SLC16A12: variants seen among roughly 807,000 people sequenced by gnomAD.
SLC16A12 encodes monocarboxylate transporter 12.
Under a neutral mutation model 42.4 loss-of-function variants are expected in SLC16A12, and 17 were observed. That is an observed-to-expected ratio of 0.40 (90% CI 0.27 to 0.60). The LOEUF is 0.60. Ranked by LOEUF, SLC16A12 falls within the 20% of genes least tolerant of loss-of-function variation. The pLI is 0.42. For missense variants in SLC16A12, 544 were observed against 623.0 expected (o/e 0.87, Z 1.35); for synonymous variants, 224 against 229.4 (o/e 0.98, Z 0.21).
chr10:89,445,479 C>T (rs1841986089), intron 3 of SLC16A12, among the ~76,000 whole-genome samples: 2 of 152,188 alleles, frequency 1.3e-5, no homozygotes, highest in African/African-American at 4.8e-5. Flanking sequence ...GAGTGGACCT[C>T]CAGCAAACTC....
At chr10:89,505,006 A>G in intron 2 of SLC16A12, among the ~76,000 whole-genome samples, 1 of 152,184 alleles carries the variant, frequency 6.6e-6, no homozygotes, top group Non-Finnish European at 1.5e-5. Context: ...GGGGGTTGCC[A>G]TCAACCTCTG....
intron 2 of SLC16A12, among the ~76,000 whole-genome samples, chr10:89,554,040 GA>G (rs1564607072): frequency 0.013 from 585 of 45,424 alleles, 32 homozygotes; most frequent in African/African-American, 0.054. Flanking sequence ...AAGGAAGAAA[GA>G]AAGAAAGAAA....
Position 89,436,228 on chromosome 10 carries a change from G to A in SLC16A12, c.1120C>T (p.Pro374Ser). The A allele has an allele frequency of 2.5e-6, 4 of 1,614,094 alleles. No individual in the cohort carries two copies. Among genetic ancestry groups the A allele is most frequent in the Non-Finnish European group, 3.4e-6 (4 of 1,180,002 alleles). The change falls in exon 7 of 8, where the codon CCT becomes TCT. Residue 374 changes from proline (P) to serine (S), a missense_variant. By Grantham distance (74) the Pro-to-Ser change is moderately conservative. Coordinates refer to ENST00000371790, the MANE Select transcript of SLC16A12 (RefSeq NM_213606.4). The stretch of plus-strand genomic sequence containing the variant: ...GTACAAGAGAAAGGCACGAGCAGAG[G>A]GAGACTTTGAAGCATTGGGAGGCAG... ...YLCLPMLQSL[P>S]LLVPFSCTFG...
chr10:89,468,120 A>T (rs1842434465), intron 2 of SLC16A12: 1 of 152,230 alleles, frequency 6.6e-6, no homozygotes, highest in Non-Finnish European at 1.5e-5. Flanking sequence ...TCCAAATAAA[A>T]AATTTAAATA....
At chr10:89,555,535 G>GTA (rs1239994683) in intron 2 of SLC16A12, among the ~76,000 whole-genome samples, 2 of 128,978 alleles carry the variant, frequency 1.6e-5, no homozygotes, top group Non-Finnish European at 3.4e-5. Flanking sequence ...GTATATATAC[G>GTA]TATGTATGTA....
intron 7 of SLC16A12, among the ~76,000 whole-genome samples, chr10:89,434,023 G>GT (rs1189332386): frequency 2.0e-5 from 3 of 152,026 alleles, no homozygotes; most frequent in Non-Finnish European, 4.4e-5. Context: ...ATTAACAAAG[G>GT]TTTTTTTAAA....
chr10:89,497,752 C>G (rs1451513604), intron 2 of SLC16A12, among the ~76,000 whole-genome samples: 3 of 151,888 alleles, frequency 2.0e-5, no homozygotes, highest in African/African-American at 7.3e-5. Context: ...AAAAAAAACC[C>G]AACATGATTT....
chr10:89,508,031 T>A (rs994042003), intron 2 of SLC16A12, among the ~76,000 whole-genome samples: 3 of 152,194 alleles, frequency 2.0e-5, no homozygotes, highest in Non-Finnish European at 4.4e-5. Context: ...GAGATAACTA[T>A]CCTAACTATA....
rs556564283 is a variant in SLC16A12 at position 89,450,311 on chromosome 10, G to C, written c.201-6452C>G. On this transcript the variant is annotated intron_variant, in intron 3 of 7. Transcript: ENST00000371790. ...TGCTACTATAAAGACACATGTGCAC[G>C]TATGTTTAATGTGGCACTATTCACA... Among the ~76,000 whole-genome samples the C allele has an allele frequency of 3.9e-5, 6 of 152,290 alleles. No individual in the cohort carries two copies. In the East Asian group the frequency reaches 1.2e-3, roughly 29 times the overall value.
At chr10:89,452,188 C>T (rs1377693134) in intron 3 of SLC16A12, among the ~76,000 whole-genome samples, 1 of 152,134 alleles carries the variant, frequency 6.6e-6, no homozygotes, top group Non-Finnish European at 1.5e-5. Flanking sequence ...CTTCCTGACT[C>T]ATCAATAAGC....
At chr10:89,496,233 C>T (rs536119230) in intron 2 of SLC16A12, among the ~76,000 whole-genome samples, 28 of 151,848 alleles carry the variant, frequency 1.8e-4, no homozygotes, top group African/African-American at 6.0e-4. Context: ...AAAAAAACTA[C>T]AGTAAATATC....
At chr10:89,523,260 G>A (rs1360613194) in intron 2 of SLC16A12, among the ~76,000 whole-genome samples, 2 of 152,106 alleles carry the variant, frequency 1.3e-5, no homozygotes, top group East Asian at 1.9e-4. Flanking sequence ...ACCCTTTCTG[G>A]CTCTCACGGA....
chr10:89,443,210 C>G (rs865938507), intron 4 of SLC16A12, among the ~76,000 whole-genome samples: 13 of 152,136 alleles, frequency 8.5e-5, no homozygotes, highest in Middle Eastern at 6.3e-3. Context: ...TTCCCCAATA[C>G]TTCTCTAAGC....
At chr10:89,492,683 A>G (rs1371520781) in intron 2 of SLC16A12, among the ~76,000 whole-genome samples, 1 of 152,008 alleles carries the variant, frequency 6.6e-6, no homozygotes, top group African/African-American at 2.4e-5. Context: ...ATAATTAAGT[A>G]TTCATAAGAT....
chr10:89,443,654 C>T, intron 4 of SLC16A12, 102 bp downstream of exon 4: 1 of 857,344 alleles, frequency 1.2e-6, no homozygotes, highest in Non-Finnish European at 2.0e-6. Flanking sequence ...TTAATGTAGC[C>T]CTTCTACTTA....
chr10:89,441,139 C>T lies in SLC16A12; in HGVS notation c.417G>A (p.Lys139=). ...GAACTCCCAGAGTGAGGTAGAGATG[C>T]TTCAGACTCGTGGCAAATGAGCTCA... ...LILSSFATSL[K]HLYLTLGVLT... Residue 139 remains lysine, a synonymous_variant, in exon 5 of 8, where the codon AAG becomes AAA. Transcript: ENST00000371790. 6.2e-7 allele frequency: 1 copy of T among 1,613,896 alleles called. No individual in the cohort carries two copies. The highest frequency in any genetic ancestry group is 1.1e-5 in the South Asian group (1 of 91,070).
In SLC16A12 at chr10:89,466,964, C is replaced by T. The variant is rs560712373; in HGVS notation, c.-46-4340G>A. On this transcript the variant is annotated intron_variant, in intron 2 of 7. Coordinates refer to ENST00000371790, the MANE Select transcript of SLC16A12 (RefSeq NM_213606.4). ...TCTCTTTCTCTCAATTCCAATAGAACCGGCATTCAAGAGTCTACCTACACC... is the reference window on the plus strand; with the variant it reads ...TCTCTTTCTCTCAATTCCAATAGAATCGGCATTCAAGAGTCTACCTACACC... Among the ~76,000 whole-genome samples, 24 of 152,278 alleles carry T rather than the reference C, an allele frequency of 1.6e-4. 1 individual carries two copies. Among genetic ancestry groups the T allele is most frequent in the Admixed American group, 4.6e-4 (7 of 15,290 alleles).
chr10:89,520,384 C>A (rs889109439), intron 2 of SLC16A12, among the ~76,000 whole-genome samples: 1 of 152,172 alleles, frequency 6.6e-6, no homozygotes, highest in African/African-American at 2.4e-5. Context: ...TAACTTCAAA[C>A]CTTACTGACA....
Position 89,438,742 on chromosome 10 carries a change from C to CAGCGATA in SLC16A12, c.889_890insTATCGCT (p.Cys297LeufsTer35), listed in dbSNP as rs1841847942. On this transcript the variant is annotated frameshift_variant, in exon 6 of 8. Coordinates refer to ENST00000371790, the MANE Select transcript of SLC16A12 (RefSeq NM_213606.4). LOFTEE classifies it high-confidence loss of function. ...CACCAAGTACACAAAGAGAGGGCTG[C>CAGCGATA]AGCCATAAGCCATAAACAGAACGGA... 1.2e-6 allele frequency: 2 copies of CAGCGATA among 1,614,060 alleles called. No homozygotes were observed. The highest frequency in any genetic ancestry group is 1.7e-5 in the Admixed American group (1 of 59,976).
Sources: gnomAD v4.1 joint callset for allele counts (sites outside exome capture counted in the v4.1 genomes callset) on GRCh38, gnomAD v4.1.1 for gene constraint, MANE v1.5 for transcripts, NCBI Gene and HGNC (gene_info 2026-07-23, HGNC 2026-07-21) for gene names.